FGF8: variants seen among roughly 807,000 people sequenced by gnomAD.
FGF8 encodes the protein fibroblast growth factor 8, also known as androgen-induced growth factor.
Under a neutral mutation model 29.7 loss-of-function variants are expected in FGF8, and 12 were observed. The observed-to-expected ratio is 0.40, with a 90% CI of 0.26 to 0.65. The LOEUF (loss-of-function observed/expected upper bound fraction) is 0.65, where lower values mean the gene tolerates loss of function less well. Among genes scored for constraint, FGF8 ranks in the 30% least tolerant of loss-of-function variants. The pLI is 0.37. For missense variants in FGF8, 271 were observed against 345.1 expected, an observed-to-expected ratio of 0.79 and a Z score of 1.70; for synonymous variants, 157 against 144.4, an observed-to-expected ratio of 1.09 and a Z score of -0.63.
rs1264244732 is a variant in FGF8, at chr10:101,772,388, A to G, written c.338-819T>C. On this transcript the variant is annotated intron_variant, in intron 4 of 5. Coordinates refer to ENST00000320185, the MANE Select transcript of FGF8 (RefSeq NM_033163.5). This position sits in a 1 kb window ranked among gnomAD's most constrained non-coding sequence, Gnocchi z 4.4. Reference sequence around the variant, plus strand: ...CTTCTGTGGGTGAGGAGGAGGGAGAATCCTGCCTGCTGGCCTCTTAGACTG... The same window carrying G: ...CTTCTGTGGGTGAGGAGGAGGGAGAGTCCTGCCTGCTGGCCTCTTAGACTG... 6.6e-6 allele frequency among the ~76,000 whole-genome samples: 1 copy of G among 152,164 alleles called. No individual in the cohort carries two copies. The highest frequency in any genetic ancestry group is 1.5e-5 in the Non-Finnish European group (1 of 68,004).
Position 101,770,141 on chromosome 10 carries a change from TAAAAAAAAAAAA to T in FGF8, c.*176_*187del, listed in dbSNP as rs11322844. The T allele has an allele frequency of 0.051, 20,098 of 393,080 alleles. 465 individuals carry two copies. The highest frequency in any genetic ancestry group is 0.068 in the Non-Finnish European group (15,552 of 230,114). The allele number at this position is 393,080 out of a possible 1,614,324, so 24.3% of individuals were successfully genotyped here. A position where few individuals can be genotyped will look rare whatever the true frequency, so the allele number is the denominator to read the frequency against. ...CAAAAATAGAGCCTCTCTTTTGTTT[TAAAAAAAAAAAA>T]AAAAAAAAAAACAGCAAAAACCCAA... is the stretch of plus-strand genomic sequence containing the variant. On this transcript the variant is annotated 3_prime_UTR_variant, in exon 6 of 6. Coordinates refer to ENST00000320185, the MANE Select transcript of FGF8 (RefSeq NM_033163.5).
chr10:101,774,907 A>G lies in FGF8; in HGVS notation c.162T>C (p.Thr54=), dbSNP rs767008028. 6.2e-7 allele frequency: 1 copy of G among 1,613,962 alleles called. No individual in the cohort carries two copies. Among genetic ancestry groups the G allele is most frequent in the East Asian group, 2.2e-5 (1 of 44,884 alleles). ...GTGTAAAATTAGGTGAGGACTGAACAGTTACCTTTAGGAAATTGAAAAATA... is the reference window on the plus strand; with the variant it reads ...GTGTAAAATTAGGTGAGGACTGAACGGTTACCTTTAGGAAATTGAAAAATA... ...REPQGVSQQV[T]VQSSPNFTQH... is the part of the protein sequence containing the mutation. Residue 54 remains threonine (T), a synonymous_variant, in exon 4 of 6, where the codon ACT becomes ACC. Coordinates refer to ENST00000320185, the MANE Select transcript of FGF8 (RefSeq NM_033163.5).
chr10:101,776,814 C>A (rs2065100645), upstream of FGF8, among the ~76,000 whole-genome samples: 1 of 151,616 alleles, frequency 6.6e-6, no homozygotes, highest in African/African-American at 2.4e-5. Context: ...CCCCTCCCCC[C>A]ATCCCATTAT....
chr10:101,771,383 C>T lies in FGF8; in HGVS notation c.444+80G>A. ...TGCCTACCTTGTTGGGATCAGAGCC[C>T]AGGACTGTCTTGGAGGAGTCCAGCC... is the stretch of plus-strand genomic sequence containing the variant. On this transcript the variant is annotated intron_variant, in intron 5 of 5. Coordinates refer to ENST00000320185, the MANE Select transcript of FGF8 (RefSeq NM_033163.5). The surrounding 1 kb of genome is among the most constrained non-coding windows in gnomAD (Gnocchi z 5.3). 9.4e-7 allele frequency: 1 copy of T among 1,058,318 alleles called. No homozygotes were observed. The highest frequency in any genetic ancestry group is 1.3e-5 in the South Asian group (1 of 79,666). The allele number at this position is 1,058,318 out of a possible 1,614,324, so 65.6% of individuals were successfully genotyped here. A position where few individuals can be genotyped will look rare whatever the true frequency, so the allele number is the denominator to read the frequency against.
In FGF8 at chr10:101,775,145, C is replaced by T; in HGVS notation, c.141G>A (p.Gln47=). 1 of 1,548,582 alleles carries T rather than the reference C, an allele frequency of 6.5e-7. No homozygotes were observed. Among genetic ancestry groups the T allele is most frequent in the Non-Finnish European group, 8.7e-7 (1 of 1,147,128 alleles). The change falls in exon 3 of 6, where the codon CAG becomes CAA. Residue 47 remains glutamine (Q), a synonymous_variant. Coordinates refer to ENST00000320185, the MANE Select transcript of FGF8 (RefSeq NM_033163.5). The surrounding 1 kb of genome is among the most constrained non-coding windows in gnomAD (Gnocchi z 4.6). ...CTGGACCCACCTGTTGGGAGACACCCTGGGGCTCCCGGCCAGCCCGGAACA... is the reference window on the plus strand; with the variant it reads ...CTGGACCCACCTGTTGGGAGACACCTTGGGGCTCCCGGCCAGCCCGGAACA... ...ASLFRAGREP[Q]GVSQQVTVQS...
chr10:101,776,250 CA>C (rs1287062341), upstream of FGF8, among the ~76,000 whole-genome samples: 8 of 123,100 alleles, frequency 6.5e-5, no homozygotes, highest in Non-Finnish European at 1.4e-4. Flanking sequence ...CGGGAGCCCG[CA>C]GCCCCCGGCT....
In FGF8 at chr10:101,775,178, G is replaced by C; in HGVS notation, c.108C>G (p.Leu36=). The C allele has an allele frequency of 1.3e-6, 2 of 1,546,128 alleles. No homozygotes were observed. Among genetic ancestry groups the C allele is most frequent in the Non-Finnish European group, 1.7e-6 (2 of 1,144,892 alleles). The change falls in exon 3 of 6, where the codon CTC becomes CTG. Residue 36 remains leucine, a synonymous_variant. Transcript: ENST00000320185. This position sits in a 1 kb window ranked among gnomAD's most constrained non-coding sequence, Gnocchi z 4.6. ...CCCGGCCAGCCCGGAACAGGGAAGC[G>C]AGCTCCCTGCCCAGCGCAGGGCCCC... is the stretch of plus-strand genomic sequence containing the variant. ...PGRGPALGRE[L]ASLFRAGREP...
chr10:101,779,578 C>G (rs1359877396), upstream of FGF8, among the ~76,000 whole-genome samples: 2 of 152,028 alleles, frequency 1.3e-5, no homozygotes, highest in East Asian at 3.9e-4. This position sits in a 1 kb window ranked among gnomAD's most constrained non-coding sequence, Gnocchi z 5.7. Flanking sequence ...CCACTGCGGG[C>G]AGGAGCGTGC....
chr10:101,778,441 C>T (rs1254595714), upstream of FGF8, among the ~76,000 whole-genome samples: 2 of 152,218 alleles, frequency 1.3e-5, no homozygotes, highest in East Asian at 1.9e-4. Context: ...AGCTGTGGAA[C>T]CCCCAGAAGA....
rs796522446 is a variant in FGF8 at position 101,773,521 on chromosome 10, G to A, written c.337+1211C>T. On this transcript the variant is annotated intron_variant, in intron 4 of 5. Coordinates refer to ENST00000320185, the MANE Select transcript of FGF8 (RefSeq NM_033163.5). ...TGCTCCGATCTGGGGAGCTGGGGCCGCAGTTTACGGCAGCTCTCCCGACCG... is the reference window on the plus strand; with the variant it reads ...TGCTCCGATCTGGGGAGCTGGGGCCACAGTTTACGGCAGCTCTCCCGACCG... Among the ~76,000 whole-genome samples the A allele has an allele frequency of 9.3e-5, 14 of 151,118 alleles. No homozygotes were observed. In the South Asian group the frequency reaches 1.0e-3, roughly 11 times the overall value.
upstream of FGF8, chr10:101,780,213 A>G (rs888122534): frequency 1.9e-4 from 29 of 152,310 alleles, no homozygotes; most frequent in African/African-American, 6.3e-4. Context: ...GACCCAGATC[A>G]CCGCAACACA....
intron 4 of FGF8, among the ~76,000 whole-genome samples, chr10:101,773,477 C>T (rs944773718): frequency 2.5e-4 from 38 of 151,258 alleles, no homozygotes; most frequent in African/African-American, 8.7e-4. Context: ...AGCCCGCTCT[C>T]TCCCATGTCG....
chr10:101,777,638 G>T (rs960377029), upstream of FGF8, among the ~76,000 whole-genome samples: 7 of 152,182 alleles, frequency 4.6e-5, no homozygotes, highest in Non-Finnish European at 4.4e-5. Flanking sequence ...CCTCCTCCAG[G>T]AGTCTGTTCA....
At chr10:101,777,572 C>A (rs1175583907), upstream of FGF8, among the ~76,000 whole-genome samples, 1 of 152,182 alleles carries the variant, frequency 6.6e-6, no homozygotes, top group Non-Finnish European at 1.5e-5. Flanking sequence ...TTAGAGGGTG[C>A]GTTCCAAGAT....
chr10:101,775,619 TA>T lies in FGF8; in HGVS notation c.69+120del. The T allele has an allele frequency of 8.4e-7, 1 of 1,183,960 alleles. No individual in the cohort carries two copies. Among genetic ancestry groups the T allele is most frequent in the Non-Finnish European group, 1.2e-6 (1 of 846,990 alleles). 73.3% of individuals were successfully genotyped at this position (1,183,960 alleles called of 1,614,324 possible). A position where few individuals can be genotyped will look rare whatever the true frequency, so the allele number is the denominator to read the frequency against. ...TCGGGGTGGCTCGGGGCTGGGTTTC[TA>T]AGGTGCCCTCAGCCCTCCCGCGCCG... On this transcript the variant is annotated intron_variant, in intron 2 of 5. Transcript: ENST00000320185. This position sits in a 1 kb window ranked among gnomAD's most constrained non-coding sequence, Gnocchi z 4.6.
chr10:101,777,791 G>C (rs1379722687), upstream of FGF8, among the ~76,000 whole-genome samples: 1 of 152,260 alleles, frequency 6.6e-6, no homozygotes, highest in Admixed American at 6.5e-5. Context: ...GATGGGGGAA[G>C]TGGCTGAGCC....
At position 101,775,725 on chromosome 10, in the gene FGF8, C is replaced by A; in HGVS notation, c.69+15G>T. 6.5e-7 allele frequency: 1 copy of A among 1,543,756 alleles called. No homozygotes were observed. The highest frequency in any genetic ancestry group is 8.7e-7 in the Non-Finnish European group (1 of 1,145,448). On this transcript the variant is annotated intron_variant, in intron 2 of 5. Transcript: ENST00000320185. The surrounding 1 kb of genome is among the most constrained non-coding windows in gnomAD (Gnocchi z 4.6). ...CCGGCGCGCCCGGCCCCCGCCTCCG[C>A]GCACCCCTCCTCACCTGGGCTTGGA...
chr10:101,770,678 G>T, intron 5 of FGF8, 59 bp from the exon 6 acceptor site: 1 of 1,584,572 alleles, frequency 6.3e-7, no homozygotes, highest in South Asian at 1.1e-5. Context: ...GGCAGAGGGC[G>T]AGCGGCCCCA....
chr10:101,773,062 C>A (rs2065045130), intron 4 of FGF8, among the ~76,000 whole-genome samples: 1 of 152,176 alleles, frequency 6.6e-6, no homozygotes, highest in Non-Finnish European at 1.5e-5. Context: ...CCATTGAGAC[C>A]TCTCTGCTAT....
Sources: gnomAD v4.1 joint callset for allele counts (sites outside exome capture counted in the v4.1 genomes callset) on GRCh38, gnomAD v4.1.1 for gene constraint, Gnocchi (gnomAD v3.1) non-coding constraint, MANE v1.5 for transcripts, NCBI Gene and HGNC (gene_info 2026-07-23, HGNC 2026-07-21) for gene names.